Variants in MEI1 observed in about 807,000 individuals in gnomAD.
MEI1 encodes the protein meiotic double-stranded break formation protein 1, also known as meiosis inhibitor protein 1.
In MEI1, 103 loss-of-function variants were observed where a neutral mutation model predicts 146.2. That is an observed-to-expected ratio of 0.70 (90% CI 0.60 to 0.83). MEI1 has a LOEUF of 0.83. Ranked by LOEUF, MEI1 falls within the 40% of genes least tolerant of loss-of-function variation. The pLI, the probability that MEI1 is intolerant of heterozygous loss-of-function variation, is 0.00. For missense variants in MEI1, 1,529 were observed against 1,533.0 expected, an observed-to-expected ratio of 1.00 and a Z score of 0.04; for synonymous variants, 652 against 628.2, an observed-to-expected ratio of 1.04 and a Z score of -0.57.
chr22:41,782,272 G>C (rs561444116), intron 24 of MEI1, among the ~76,000 whole-genome samples: 1 of 152,198 alleles, frequency 6.6e-6, no homozygotes, highest in African/African-American at 2.4e-5. Context: ...GGGGAGTGGT[G>C]AGGTGCTCTG....
At chr22:41,709,577 CTCT>C (rs967832409) in intron 3 of MEI1, 68 of 475,596 alleles carry the variant, frequency 1.4e-4, no homozygotes, top group African/African-American at 1.2e-3. Flanking sequence ...TTGTTCTCGC[CTCT>C]TCTTCTGAAA....
Position 41,745,899 on chromosome 22 carries a change from TC to T in MEI1, c.1555del (p.Gln519ArgfsTer41). On this transcript the variant is annotated frameshift_variant, in exon 14 of 31. Transcript: ENST00000401548. LOFTEE classifies it high-confidence loss of function. Reference protein sequence around the residue: ...FRSACRLAIEFQSEPSAQENP... With the variant: ...FRSACRLAIEXQSEPSAQENP... ...TGATTTCTTAGGTTGGCTATAGAAT[TC>T]CAGAGTGAGCCTTCAGCCCAGGAGA... The T allele has an allele frequency of 6.2e-7, 1 of 1,610,436 alleles. No individual in the cohort carries two copies.
chr22:41,796,912 T>C (rs188570859), intron 30 of MEI1, among the ~76,000 whole-genome samples: 49 of 152,222 alleles, frequency 3.2e-4, no homozygotes, highest in African/African-American at 1.1e-3. Flanking sequence ...ACCACTGTAC[T>C]GCACCCTGGG....
intron 13 of MEI1, 102 bp downstream of exon 13, chr22:41,745,166 C>T (rs932919448): frequency 2.3e-6 from 2 of 851,296 alleles, no homozygotes; most frequent in Non-Finnish European, 3.4e-6. Flanking sequence ...ATTTCTGATA[C>T]TCTGCTGTAT....
intron 24 of MEI1, among the ~76,000 whole-genome samples, chr22:41,782,343 GCCTGCGA>G (rs1352061535): frequency 2.6e-5 from 4 of 152,352 alleles, no homozygotes; most frequent in African/African-American, 9.6e-5. Flanking sequence ...GCAGAAGCCA[GCCTGCGA>G]CCTTAAAGTG....
chr22:41,732,710 A>T, intron 11 of MEI1, 107 bp downstream of exon 11: 1 of 1,237,612 alleles, frequency 8.1e-7, no homozygotes, highest in South Asian at 1.6e-5. Flanking sequence ...TATAATACCT[A>T]ATATAGTTGG....
chr22:41,713,937 G>A, intron 3 of MEI1, 65 bp from the exon 4 acceptor site: 2 of 1,322,404 alleles, frequency 1.5e-6, no homozygotes, highest in South Asian at 1.3e-5. Context: ...GAGTAGAAGG[G>A]CCATGGAAGG....
At chr22:41,718,979 C>CTTTTT (rs146120400) in intron 6 of MEI1, among the ~76,000 whole-genome samples, 4 of 111,234 alleles carry the variant, frequency 3.6e-5, no homozygotes, top group Non-Finnish European at 5.3e-5. Context: ...TCAAGTGATT[C>CTTTTT]TTTTTTTTTT....
rs1358888285 is a variant in MEI1, at chr22:41,763,301, A to G, written c.2248A>G (p.Lys750Glu). ...SIYLLAICQD[K>E]DNTLRETMVS... Reference sequence around the variant, plus strand: ...CTATCTGCTTGCAATCTGCCAGGACAAAGACAATACACTACGTGAGGTATG... The same window carrying G: ...CTATCTGCTTGCAATCTGCCAGGACGAAGACAATACACTACGTGAGGTATG... The change falls in exon 19 of 31, where the codon AAA becomes GAA. Residue 750 changes from lysine (K) to glutamate (E), a missense_variant. By Grantham distance (56) the Lys-to-Glu change is moderately conservative (BLOSUM62 1). This residue lies in a region of MEI1 where 1,212 missense variants were observed against 1,178.9 expected (regional missense o/e 1.03). Transcript: ENST00000401548. 1.2e-6 allele frequency: 2 copies of G among 1,613,962 alleles called. No individual in the cohort carries two copies.
intron 10 of MEI1, 61 bp downstream of exon 10, chr22:41,732,405 T>C (rs2071943987): frequency 6.2e-7 from 1 of 1,613,604 alleles, no homozygotes; most frequent in Admixed American, 1.7e-5. Context: ...AAAAGTGGGC[T>C]TTCACTCCTG....
intron 4 of MEI1, 48 bp from the exon 5 acceptor site, chr22:41,715,993 T>A (rs758223332): frequency 5.0e-5 from 69 of 1,368,444 alleles, no homozygotes; most frequent in Admixed American, 1.2e-4. Context: ...TGGTGGAAGA[T>A]CTGTCCTGAT....
At chr22:41,757,089 G>GTTTC (rs1258682227) in intron 17 of MEI1, among the ~76,000 whole-genome samples, 1 of 151,806 alleles carries the variant, frequency 6.6e-6, no homozygotes, top group Non-Finnish European at 1.5e-5. Context: ...TCCACAGTTT[G>GTTTC]TTTCTTTCTT....
At position 41,745,073 on chromosome 22, in the gene MEI1, C is replaced by T; in HGVS notation, c.1538+9C>T. On this transcript the variant is annotated intron_variant, in intron 13 of 30. Transcript: ENST00000401548. ...TTTAGAAGTGCCTGCAGGTGAGGGG[C>T]CCTCTGAGGTATGAAGTAATAGCAT... The T allele has an allele frequency of 1.3e-6, 2 of 1,521,670 alleles. No homozygotes were observed. The highest frequency in any genetic ancestry group is 1.4e-5 in the African/African-American group (1 of 71,964). 94.3% of individuals were successfully genotyped at this position (1,521,670 alleles called of 1,614,324 possible).
intron 15 of MEI1, among the ~76,000 whole-genome samples, chr22:41,751,769 T>G (rs2073766525): frequency 1.4e-5 from 1 of 72,322 alleles, no homozygotes; most frequent in African/African-American, 5.8e-5. Context: ...TGAAACTCCA[T>G]CTTAAAAAAA....
intron 19 of MEI1, among the ~76,000 whole-genome samples, chr22:41,768,311 G>A (rs1160637857): frequency 6.6e-6 from 1 of 151,568 alleles, no homozygotes; most frequent in Non-Finnish European, 1.5e-5. Flanking sequence ...GAATCCTGGA[G>A]GCGGAGGTTG....
intron 19 of MEI1, among the ~76,000 whole-genome samples, chr22:41,765,130 G>A (rs1052031316): frequency 1.3e-5 from 2 of 152,110 alleles, no homozygotes; most frequent in Non-Finnish European, 2.9e-5. Flanking sequence ...TCAGCCTCCC[G>A]AGTAGCTGGG....
At chr22:41,759,794 A>T (rs543686649) in intron 18 of MEI1, among the ~76,000 whole-genome samples, 4 of 152,104 alleles carry the variant, frequency 2.6e-5, no homozygotes, top group Admixed American at 6.6e-5. Flanking sequence ...ATGCCACTGC[A>T]CTCCAGCCTG....
intron 4 of MEI1, among the ~76,000 whole-genome samples, chr22:41,715,829 A>G (rs955158237): frequency 6.6e-6 from 1 of 152,168 alleles, no homozygotes; most frequent in African/African-American, 2.4e-5. Flanking sequence ...GCACTGAGCT[A>G]GGTACTGAGG....
chr22:41,770,149 A>G (rs1481146876), intron 19 of MEI1, among the ~76,000 whole-genome samples: 4 of 151,666 alleles, frequency 2.6e-5, no homozygotes, highest in African/African-American at 9.7e-5. Context: ...AAAAAAAAAG[A>G]AATTATTCAA....
Sources: allele counts gnomAD v4.1 joint callset (sites outside exome capture counted in the v4.1 genomes callset), GRCh38; gene constraint gnomAD v4.1.1; regional missense constraint gnomAD v4.1.1; transcripts MANE v1.5; gene names NCBI Gene and HGNC (gene_info 2026-07-23, HGNC 2026-07-21).